BLOC1S5: variants seen among roughly 807,000 people sequenced by gnomAD.
BLOC1S5 encodes biogenesis of lysosome-related organelles complex 1 subunit 5.
In BLOC1S5, 27 loss-of-function variants were observed where a neutral mutation model predicts 24.3. The ratio of observed to expected loss-of-function variants is 1.11; its 90% CI spans 0.82 to 1.53. The LOEUF (loss-of-function observed/expected upper bound fraction) is 1.53. Among genes scored for constraint, BLOC1S5 ranks in the 40% most tolerant of loss-of-function variants. The probability of loss-of-function intolerance (pLI) is 0.00; values close to 1 mark genes in which losing one functional copy is unlikely to be tolerated. For synonymous variants in BLOC1S5, 84 were observed against 74.5 expected, an observed-to-expected ratio of 1.13 and a Z score of -0.66; for missense variants, 239 against 229.4, an observed-to-expected ratio of 1.04 and a Z score of -0.27.
At chr6:8,059,414 T>A (rs1397396426) in intron 2 of BLOC1S5, among the ~76,000 whole-genome samples, 1 of 152,190 alleles carries the variant, frequency 6.6e-6, no homozygotes, top group East Asian at 1.9e-4. Flanking sequence ...ATACCTTAAG[T>A]TTTTTAAACA....
intron 4 of BLOC1S5, chr6:8,018,180 A>G (rs1344974490): frequency 1.3e-5 from 2 of 152,194 alleles, no homozygotes; most frequent in Admixed American, 6.5e-5. Flanking sequence ...ACAAAATCCA[A>G]TGCGTTACTT....
At chr6:8,016,045 G>T (rs1581388883) in intron 4 of BLOC1S5, among the ~76,000 whole-genome samples, 1 of 152,162 alleles carries the variant, frequency 6.6e-6, no homozygotes. Flanking sequence ...TTAAAAGTGG[G>T]CTGGGCACAG....
In BLOC1S5 at chr6:8,015,254, T is replaced by A. The variant is rs1762694249; in HGVS notation, c.*395A>T. The A allele has an allele frequency of 6.3e-6, 1 of 159,398 alleles. No homozygotes were observed. The highest frequency in any genetic ancestry group is 1.9e-4 in the South Asian group (1 of 5,342). The allele number at this position is 159,398 out of a possible 1,614,324, so 9.9% of individuals were successfully genotyped here. A position where few individuals can be genotyped will look rare whatever the true frequency, so the allele number is the denominator to read the frequency against. On this transcript the variant is annotated 3_prime_UTR_variant, in exon 5 of 5. Transcript: ENST00000397457. ...CAAGGAGGCTATGACAGGTAGCTTC[T>A]ATACCTTCCCATTAAGCCACAATAA...
intron 3 of BLOC1S5, among the ~76,000 whole-genome samples, chr6:8,030,971 G>C (rs1446598086): frequency 6.6e-6 from 1 of 151,170 alleles, no homozygotes; most frequent in Non-Finnish European, 1.5e-5. Flanking sequence ...GTATAGAAGG[G>C]ACATACCCTA....
intron 3 of BLOC1S5, among the ~76,000 whole-genome samples, chr6:8,036,565 G>C (rs980608136): frequency 6.6e-6 from 1 of 152,078 alleles, no homozygotes; most frequent in Non-Finnish European, 1.5e-5. Flanking sequence ...GGACTTAATG[G>C]CTTCTTTGCT....
At position 8,026,411 on chromosome 6, in the gene BLOC1S5, C is replaced by A; in HGVS notation, c.340G>T (p.Asp114Tyr). The stretch of plus-strand genomic sequence containing the variant: ...CTCTGTTGGAGTCTACAGACTGAGT[C>A]ATTAGCTGCTTGCACTGAAATGAAA... ...QVLQRLQAAN[D>Y]SVCRLQQREQ... Residue 114 changes from aspartate (D) to tyrosine (Y), a missense_variant, in exon 4 of 5, where the codon GAC (aspartate) becomes TAC (tyrosine). By Grantham distance (160) the Asp-to-Tyr change is radical. Transcript: ENST00000397457. 1.2e-6 allele frequency: 2 copies of A among 1,613,352 alleles called. No individual in the cohort carries two copies. The highest frequency in any genetic ancestry group is 1.7e-6 in the Non-Finnish European group (2 of 1,179,728).
chr6:8,056,124 C>T (rs1024580392), intron 2 of BLOC1S5, among the ~76,000 whole-genome samples: 2 of 152,168 alleles, frequency 1.3e-5, no homozygotes, highest in African/African-American at 4.8e-5. Flanking sequence ...CAGACGAAGC[C>T]CCTTTGATAA....
At chr6:8,029,875 T>A (rs1378618412) in intron 3 of BLOC1S5, among the ~76,000 whole-genome samples, 1 of 152,194 alleles carries the variant, frequency 6.6e-6, no homozygotes, top group Non-Finnish European at 1.5e-5. Context: ...AAAGACTCTC[T>A]AAGCAAATGT....
At chr6:8,030,780 G>A (rs1763268550) in intron 3 of BLOC1S5, among the ~76,000 whole-genome samples, 1 of 148,470 alleles carries the variant, frequency 6.7e-6, no homozygotes, top group Non-Finnish European at 1.5e-5. Context: ...GCTGAGGCAG[G>A]AGAATGGCTT....
intron 4 of BLOC1S5, among the ~76,000 whole-genome samples, chr6:8,017,365 G>A (rs186120482): frequency 3.3e-4 from 48 of 144,770 alleles, no homozygotes; most frequent in Non-Finnish European, 6.2e-4. Flanking sequence ...GTAACAGAGC[G>A]AGACTCCGTC....
At chr6:8,041,655 C>CTTTTTTTTTTTTTTTTTTT (rs1554139177) in intron 2 of BLOC1S5, among the ~76,000 whole-genome samples, 4 of 111,870 alleles carry the variant, frequency 3.6e-5, no homozygotes, top group African/African-American at 9.7e-5. Context: ...TTCTTTCTTT[C>CTTTTTTTTTTTTTTTTTTT]TTTTTTTTTG....
At chr6:8,024,273 C>T (rs1298561943) in intron 4 of BLOC1S5, among the ~76,000 whole-genome samples, 1 of 151,956 alleles carries the variant, frequency 6.6e-6, no homozygotes, top group East Asian at 1.9e-4. Context: ...CGCCTGTAAT[C>T]CCAGCACTTT....
At chr6:8,055,505 G>A (rs193060621) in intron 2 of BLOC1S5, among the ~76,000 whole-genome samples, 3 of 152,204 alleles carry the variant, frequency 2.0e-5, no homozygotes, top group African/African-American at 7.2e-5. Flanking sequence ...TTATTTCCTC[G>A]AGGAATATTA....
At chr6:8,046,877 G>C (rs1367059118) in intron 2 of BLOC1S5, among the ~76,000 whole-genome samples, 5 of 151,920 alleles carry the variant, frequency 3.3e-5, no homozygotes, top group Non-Finnish European at 7.4e-5. Context: ...CTGGGCTCAA[G>C]CAATCCTCCT....
At chr6:8,035,348 T>A (rs758954740) in intron 3 of BLOC1S5, among the ~76,000 whole-genome samples, 1 of 118,502 alleles carries the variant, frequency 8.4e-6, no homozygotes, top group African/African-American at 2.9e-5. Context: ...TAAAAATCTT[T>A]TTTTTTTTTT....
intron 2 of BLOC1S5, among the ~76,000 whole-genome samples, chr6:8,053,434 A>T (rs1401560473): frequency 6.6e-6 from 1 of 152,230 alleles, no homozygotes. Flanking sequence ...AGCCATTAAC[A>T]TCGAAATAAG....
intron 3 of BLOC1S5, among the ~76,000 whole-genome samples, chr6:8,037,727 T>C (rs78905575): frequency 0.039 from 5,954 of 152,200 alleles, 371 homozygotes; most frequent in African/African-American, 0.13. Flanking sequence ...AAGCATATTA[T>C]TAATACAAAG....
chr6:8,019,736 T>G (rs1021422469), intron 4 of BLOC1S5, among the ~76,000 whole-genome samples: 7 of 152,298 alleles, frequency 4.6e-5, no homozygotes, highest in African/African-American at 1.7e-4. Context: ...CTTTAAGTCA[T>G]GCAAACGAAG....
chr6:8,030,164 A>AT (rs1010541735), intron 3 of BLOC1S5, among the ~76,000 whole-genome samples: 4 of 151,894 alleles, frequency 2.6e-5, no homozygotes, highest in East Asian at 1.9e-4. Context: ...GATTAGAACA[A>AT]TTTTTTTTCT....
Sources: gnomAD v4.1 joint callset for allele counts (sites outside exome capture counted in the v4.1 genomes callset) on GRCh38, gnomAD v4.1.1 for gene constraint, MANE v1.5 for transcripts, NCBI Gene and HGNC (gene_info 2026-07-23, HGNC 2026-07-21) for gene names.